The following SLC7A2 variants were observed in gnomAD, a reference collection of about 807,000 sequenced individuals.
SLC7A2 encodes the protein cationic amino acid transporter 2.
SLC7A2 carries 48 observed loss-of-function variants against 58.9 expected under a neutral mutation model. The ratio of observed to expected loss-of-function variants is 0.82; its 90% CI spans 0.65 to 1.04. The LOEUF (loss-of-function observed/expected upper bound fraction) is 1.04, where lower values mean the gene tolerates loss of function less well. Ranked by LOEUF, SLC7A2 falls within the 50% of genes least tolerant of loss-of-function variation. The pLI is 0.00. For synonymous variants in SLC7A2, 363 were observed against 314.5 expected (o/e 1.15, Z -1.63); for missense variants, 1,029 against 818.8 (o/e 1.26, Z -3.13).
rs756701680 is a variant in SLC7A2, at chr8:17,550,324, C to A, written c.722C>A (p.Thr241Lys). 3.1e-6 allele frequency: 5 copies of A among 1,613,838 alleles called. No individual in the cohort carries two copies. In the South Asian group the frequency reaches 4.4e-5, roughly 14 times the overall value. The change falls in exon 6 of 13, where the codon ACA becomes AAA. Residue 241 changes from threonine to lysine, a missense_variant. Thr to Lys is a moderately conservative substitution (Grantham distance 78). Transcript: ENST00000494857. ...AGAGAGCCACCTTCTGAAAACGGAACAAGTATCTATGGGGCTGGTGGCTTT... is the reference window on the plus strand; with the variant it reads ...AGAGAGCCACCTTCTGAAAACGGAAAAAGTATCTATGGGGCTGGTGGCTTT... ...SAREPPSENG[T>K]SIYGAGGFMP...
intron 8 of SLC7A2, chr8:17,555,174 T>G (rs888366411): frequency 8.4e-7 from 1 of 1,186,960 alleles, no homozygotes; most frequent in African/African-American, 1.6e-5. Context: ...ATGCTGTGCA[T>G]GTAAGTTAAA....
intron 2 of SLC7A2, among the ~76,000 whole-genome samples, chr8:17,511,508 A>G (rs1457558781): frequency 6.6e-6 from 1 of 152,222 alleles, no homozygotes; most frequent in Non-Finnish European, 1.5e-5. Flanking sequence ...TTAGACTAAT[A>G]CAGTTACTGG....
At chr8:17,512,816 A>G (rs534993207) in intron 2 of SLC7A2, among the ~76,000 whole-genome samples, 35 of 152,274 alleles carry the variant, frequency 2.3e-4, no homozygotes, top group African/African-American at 7.0e-4. Context: ...GCCCTGGCCA[A>G]CCACCATTCT....
At chr8:17,500,108 G>C (rs1465712774) in intron 1 of SLC7A2, 3 of 152,156 alleles carry the variant, frequency 2.0e-5, no homozygotes, top group Admixed American at 2.0e-4. Context: ...CTATAATTAT[G>C]TTTACATTTG....
At chr8:17,517,534 G>T (rs561481592) in intron 2 of SLC7A2, among the ~76,000 whole-genome samples, 1 of 151,886 alleles carries the variant, frequency 6.6e-6, no homozygotes, top group Non-Finnish European at 1.5e-5. Flanking sequence ...TAAATCATGG[G>T]AGATTTTTCT....
At chr8:17,500,783 T>C (rs1380283285) in intron 1 of SLC7A2, among the ~76,000 whole-genome samples, 1 of 145,162 alleles carries the variant, frequency 6.9e-6, no homozygotes, top group African/African-American at 2.6e-5. Flanking sequence ...AGCGAGACTC[T>C]GTCTCAACAC....
At chr8:17,539,392 C>T (rs146461076) in intron 2 of SLC7A2, among the ~76,000 whole-genome samples, 1,556 of 152,294 alleles carry the variant, frequency 0.01, 19 homozygotes, top group African/African-American at 0.035. Context: ...CATTCAGAGA[C>T]TTTTCTGCAG....
At position 17,565,047 on chromosome 8, in the gene SLC7A2, T is replaced by G. The variant is rs1210282583; in HGVS notation, c.1878T>G (p.His626Gln). 6.2e-7 allele frequency: 1 copy of G among 1,613,992 alleles called. No homozygotes were observed. Among genetic ancestry groups the G allele is most frequent in the East Asian group, 2.2e-5 (1 of 44,870 alleles). Residue 626 changes from histidine (H) to glutamine (Q), a missense_variant, in exon 13 of 13, where the codon CAT (histidine) becomes CAG (glutamine). Transcript: ENST00000494857. ...NEEDAYPDNV[H>Q]AAAEEKSAIQ... is the part of the protein sequence containing the mutation. Reference sequence around the variant, plus strand: ...AAGATGCTTATCCAGACAACGTTCATGCAGCAGCAGAAGAAAAATCTGCCA... The same window carrying G: ...AAGATGCTTATCCAGACAACGTTCAGGCAGCAGCAGAAGAAAAATCTGCCA...
chr8:17,526,816 T>G (rs1801239522), intron 2 of SLC7A2, among the ~76,000 whole-genome samples: 1 of 152,228 alleles, frequency 6.6e-6, no homozygotes, highest in Non-Finnish European at 1.5e-5. Context: ...CCTAACGAAC[T>G]GCATGCCCTC....
intron 2 of SLC7A2, among the ~76,000 whole-genome samples, chr8:17,514,810 G>C (rs76495596): frequency 2.0e-3 from 298 of 152,304 alleles, no homozygotes; most frequent in Non-Finnish European, 3.4e-3. Context: ...GCAGTAATGA[G>C]CATAAAGGCA....
chr8:17,504,278 A>C (rs1037979601), intron 2 of SLC7A2, among the ~76,000 whole-genome samples: 2 of 152,178 alleles, frequency 1.3e-5, no homozygotes, highest in African/African-American at 4.8e-5. Context: ...AGTGAGATTG[A>C]GGCCGGTGGT....
chr8:17,535,920 T>C (rs1409019498), intron 2 of SLC7A2, among the ~76,000 whole-genome samples: 1 of 151,982 alleles, frequency 6.6e-6, no homozygotes, highest in Non-Finnish European at 1.5e-5. Flanking sequence ...AAATTTTTTT[T>C]ACATTTTTTA....
At chr8:17,519,213 G>A (rs939272204) in intron 2 of SLC7A2, among the ~76,000 whole-genome samples, 6 of 152,104 alleles carry the variant, frequency 3.9e-5, no homozygotes, top group African/African-American at 1.4e-4. Flanking sequence ...GATAATAAAA[G>A]CACTTACCTC....
intron 2 of SLC7A2, among the ~76,000 whole-genome samples, chr8:17,530,271 G>T (rs1801393260): frequency 6.6e-6 from 1 of 152,196 alleles, no homozygotes; most frequent in African/African-American, 2.4e-5. Context: ...TTCTTGCTGT[G>T]TCCCTGCAGT....
chr8:17,513,803 G>A (rs1253473853), intron 2 of SLC7A2, among the ~76,000 whole-genome samples: 3 of 152,172 alleles, frequency 2.0e-5, no homozygotes, highest in African/African-American at 7.2e-5. Context: ...ACTTACAACA[G>A]CGCTAAGAGG....
upstream of SLC7A2, chr8:17,496,953 GTCAGCGCGGCCGGGGC>G (rs1385494031): frequency 6.6e-6 from 1 of 151,368 alleles, no homozygotes; most frequent in African/African-American, 2.4e-5. Flanking sequence ...CCGGGGATTG[GTCAGCGCGGCCGGGGC>G]CCGGCGGGAG....
rs1455210222 is a variant in SLC7A2, at chr8:17,554,548, C to T, written c.1056-12C>T. On this transcript the variant is annotated splice_polypyrimidine_tract_variant and intron_variant, in intron 7 of 12. Transcript: ENST00000494857. ...ATGTTTGCCATACTGCATGTGTTTG[C>T]TTTTTATTCAGTCTTCTTGGATCCA... is the stretch of plus-strand genomic sequence containing the variant. The T allele has an allele frequency of 2.5e-6, 4 of 1,580,434 alleles. No individual in the cohort carries two copies. The highest frequency in any genetic ancestry group is 3.4e-6 in the Non-Finnish European group (4 of 1,168,312).
At chr8:17,507,307 G>T (rs1383987336) in intron 2 of SLC7A2, among the ~76,000 whole-genome samples, 1 of 151,970 alleles carries the variant, frequency 6.6e-6, no homozygotes, top group African/African-American at 2.4e-5. Context: ...GATTTTAATG[G>T]TTAACTATAA....
At chr8:17,495,382 G>C (rs1299271790), upstream of SLC7A2, among the ~76,000 whole-genome samples, 1 of 152,174 alleles carries the variant, frequency 6.6e-6, no homozygotes, top group Non-Finnish European at 1.5e-5. Flanking sequence ...GGTGTTAAAA[G>C]TCCACACGCA....
Sources: gnomAD v4.1 joint callset for allele counts (sites outside exome capture counted in the v4.1 genomes callset) on GRCh38, gnomAD v4.1.1 for gene constraint, MANE v1.5 for transcripts, NCBI Gene and HGNC (gene_info 2026-07-23, HGNC 2026-07-21) for gene names.